Variants in FAM184B observed in about 807,000 individuals in gnomAD.
The protein encoded by FAM184B is family with sequence similarity 184 member B.
FAM184B carries 111 observed loss-of-function variants against 135.9 expected under a neutral mutation model. That is an observed-to-expected ratio of 0.82 (90% CI 0.70 to 0.96). The LOEUF (loss-of-function observed/expected upper bound fraction) is 0.96. Among genes scored for constraint, FAM184B ranks in the 40% least tolerant of loss-of-function variants. The pLI is 0.00. For missense variants in FAM184B, 1,375 were observed against 1,323.9 expected (o/e 1.04, Z -0.60); for synonymous variants, 552 against 524.8 (o/e 1.05, Z -0.71).
chr4:17,708,963 C>G lies in FAM184B; in HGVS notation c.823G>C (p.Asp275His), dbSNP rs61746992. ...ATCTTGCGGCCTCTGTGCTCCAGGT[C>G]TCCTTCCAGCTTCCGGACCTGAGCC... ...LQAQVRKLEG[D>H]LEHRGRKISD... is the part of the protein sequence containing the mutation. The change falls in exon 2 of 18, where the codon GAC becomes CAC. Residue 275 changes from aspartate to histidine, a missense_variant. By Grantham distance (81) the Asp-to-His change is moderately conservative. Transcript: ENST00000265018. 8,158 of 1,550,388 alleles carry G rather than the reference C, an allele frequency of 5.3e-3. 37 individuals are homozygous for G. The highest frequency in any genetic ancestry group is 6.5e-3 in the Non-Finnish European group (7,452 of 1,146,592).
intron 7 of FAM184B, among the ~76,000 whole-genome samples, chr4:17,681,318 C>T (rs1716427526): frequency 6.6e-6 from 1 of 152,290 alleles, no homozygotes; most frequent in Non-Finnish European, 1.5e-5. Context: ...TCTGACCTGT[C>T]TGAGGCTCCT....
rs1193869839 is a variant in FAM184B at position 17,693,365 on chromosome 4, C to G, written c.1425G>C (p.Glu475Asp). The change falls in exon 6 of 18, where the codon GAG becomes GAC. Residue 475 changes from glutamate to aspartate, a missense_variant. By Grantham distance (45) the Glu-to-Asp change is conservative. Coordinates refer to ENST00000265018, the MANE Select transcript of FAM184B (RefSeq NM_015688.2). ...CTTTCTCTTCTTCCAGCTGCTTTAT[C>G]TCCTTTTCTGATTTCTTCCTCACTT... ...LEEVRKKSEK[E>D]IKQLEEEKAA... is the part of the protein sequence containing the mutation. 2.6e-6 allele frequency: 4 copies of G among 1,551,614 alleles called. No homozygotes were observed. Among genetic ancestry groups the G allele is most frequent in the East Asian group, 2.4e-5 (1 of 40,940 alleles).
intron 1 of FAM184B, among the ~76,000 whole-genome samples, chr4:17,756,102 G>A (rs1208808566): frequency 6.6e-6 from 1 of 152,134 alleles, no homozygotes; most frequent in Non-Finnish European, 1.5e-5. Context: ...TGACCTAGCA[G>A]CAATGAACAC....
At chr4:17,707,385 C>G (rs1395123632) in intron 3 of FAM184B, among the ~76,000 whole-genome samples, 6 of 152,110 alleles carry the variant, frequency 3.9e-5, no homozygotes, top group Admixed American at 3.9e-4. Flanking sequence ...CTGTGGTGAG[C>G]CTGGTGGGGA....
At chr4:17,730,559 C>G (rs1577280586) in intron 1 of FAM184B, among the ~76,000 whole-genome samples, 3 of 152,202 alleles carry the variant, frequency 2.0e-5, no homozygotes, top group East Asian at 3.8e-4. Context: ...AGACTAACAG[C>G]AGATCTCTTC....
chr4:17,685,369 T>C (rs1197705571), intron 7 of FAM184B, among the ~76,000 whole-genome samples: 1 of 151,072 alleles, frequency 6.6e-6, no homozygotes, highest in Non-Finnish European at 1.5e-5. Flanking sequence ...ACCAATATGG[T>C]GAAACCTCAT....
intron 7 of FAM184B, among the ~76,000 whole-genome samples, chr4:17,681,590 G>A (rs1716435365): frequency 6.6e-6 from 1 of 152,202 alleles, no homozygotes; most frequent in African/African-American, 2.4e-5. Flanking sequence ...TTATCTGCCT[G>A]CCAACGGCCA....
intron 12 of FAM184B, among the ~76,000 whole-genome samples, chr4:17,645,964 G>C (rs1468185372): frequency 6.6e-6 from 1 of 151,994 alleles, no homozygotes; most frequent in Non-Finnish European, 1.5e-5. Context: ...GCAGCCAAAA[G>C]ACACATGAAA....
chr4:17,644,681 A>AT (rs1262744246), intron 12 of FAM184B, among the ~76,000 whole-genome samples: 4 of 152,228 alleles, frequency 2.6e-5, no homozygotes, highest in Admixed American at 2.6e-4. Context: ...CTGGGACAAG[A>AT]TAGGGATGCC....
chr4:17,698,698 C>A (rs1397864230), intron 5 of FAM184B, among the ~76,000 whole-genome samples: 1 of 152,066 alleles, frequency 6.6e-6, no homozygotes, highest in East Asian at 1.9e-4. Flanking sequence ...AAATTCTGCT[C>A]TAGACTCATC....
chr4:17,687,770 G>A (rs1223724883), intron 7 of FAM184B, among the ~76,000 whole-genome samples: 1 of 152,186 alleles, frequency 6.6e-6, no homozygotes, highest in African/African-American at 2.4e-5. Flanking sequence ...CACCAGAGGC[G>A]AGGGGAGCCG....
intron 1 of FAM184B, among the ~76,000 whole-genome samples, chr4:17,774,572 G>A (rs1171994344): frequency 6.6e-6 from 1 of 152,136 alleles, no homozygotes; most frequent in East Asian, 1.9e-4. Flanking sequence ...ACCTCCTCTG[G>A]GTGCATTTTA....
chr4:17,664,824 G>C (rs1716008868), intron 7 of FAM184B, among the ~76,000 whole-genome samples, 165 bp from the exon 8 acceptor site: 1 of 152,154 alleles, frequency 6.6e-6, no homozygotes, highest in African/African-American at 2.4e-5. Flanking sequence ...GGCTTGTGAT[G>C]ATGACGTGAC....
In FAM184B at chr4:17,709,298, T is replaced by G. The variant is rs1326022803; in HGVS notation, c.488A>C (p.Gln163Pro). The G allele has an allele frequency of 1.3e-6, 2 of 1,549,488 alleles. No individual in the cohort carries two copies. Among genetic ancestry groups the G allele is most frequent in the African/African-American group, 2.7e-5 (2 of 73,048 alleles). ...GGTAGCCTCGTGGCTCGTCAGGTGCTGGAGCCTCCTCTCGTAGTCAGCCTT... is the reference window on the plus strand; with the variant it reads ...GGTAGCCTCGTGGCTCGTCAGGTGCGGGAGCCTCCTCTCGTAGTCAGCCTT... Reference protein sequence around the residue: ...ELKADYERRLQHLTSHEATPQ... With the variant: ...ELKADYERRLPHLTSHEATPQ... The change falls in exon 2 of 18, where the codon CAG becomes CCG. Residue 163 changes from glutamine to proline, a missense_variant. Transcript: ENST00000265018.
chr4:17,632,559 T>A lies in FAM184B; in HGVS notation c.3156A>T (p.Glu1052Asp). The A allele has an allele frequency of 1.3e-6, 2 of 1,551,262 alleles. No homozygotes were observed. Among genetic ancestry groups the A allele is most frequent in the Non-Finnish European group, 1.7e-6 (2 of 1,146,672 alleles). Residue 1052 changes from glutamate (E) to aspartate (D), a missense_variant, in exon 18 of 18, where the codon GAA (glutamate) becomes GAT (aspartate). Coordinates refer to ENST00000265018, the MANE Select transcript of FAM184B (RefSeq NM_015688.2). ...AGAAAGAAAAGTACTTGGTGAACCATTCCTGGTGCGGAGAGCCCTGTTTCT... is the reference window on the plus strand; with the variant it reads ...AGAAAGAAAAGTACTTGGTGAACCAATCCTGGTGCGGAGAGCCCTGTTTCT... ...VQQKQGSPHQEWFTKYFSF is the reference protein window; with the variant it reads ...VQQKQGSPHQDWFTKYFSF
intron 1 of FAM184B, among the ~76,000 whole-genome samples, chr4:17,751,023 T>G (rs983585982): frequency 6.6e-6 from 1 of 152,046 alleles, no homozygotes; most frequent in Non-Finnish European, 1.5e-5. Flanking sequence ...AAGCAGCACA[T>G]AGGGCCGGGT....
intron 1 of FAM184B, among the ~76,000 whole-genome samples, chr4:17,748,419 G>T (rs1364605882): frequency 6.6e-6 from 1 of 151,358 alleles, no homozygotes; most frequent in African/African-American, 2.4e-5. Flanking sequence ...AAGACTCTTT[G>T]GTCCATTGAT....
chr4:17,778,550 C>G (rs1157901035), intron 1 of FAM184B, among the ~76,000 whole-genome samples: 1 of 152,204 alleles, frequency 6.6e-6, no homozygotes, highest in African/African-American at 2.4e-5. Flanking sequence ...ACTATAAAAA[C>G]TATTTTTAAA....
At chr4:17,729,405 T>C (rs1717720194) in intron 1 of FAM184B, among the ~76,000 whole-genome samples, 1 of 152,214 alleles carries the variant, frequency 6.6e-6, no homozygotes. Flanking sequence ...GAGTAGTGGT[T>C]CTCCCAGCAT....
Sources: allele counts gnomAD v4.1 joint callset (sites outside exome capture counted in the v4.1 genomes callset), GRCh38; gene constraint gnomAD v4.1.1; transcripts MANE v1.5; gene names NCBI Gene and HGNC (gene_info 2026-07-23, HGNC 2026-07-21).